The following TLL1 variants were observed in gnomAD, a reference collection of about 807,000 sequenced individuals.
The protein encoded by TLL1 is tolloid-like protein 1.
In TLL1, 49 loss-of-function variants were observed where a neutral mutation model predicts 128.2. The ratio of observed to expected loss-of-function variants is 0.38; its 90% CI spans 0.30 to 0.48. TLL1 has a LOEUF of 0.48. Among genes scored for constraint, TLL1 ranks in the 20% least tolerant of loss-of-function variants. The pLI, the probability that TLL1 is intolerant of heterozygous loss-of-function variation, is 0.96. For synonymous variants in TLL1, 454 were observed against 418.8 expected (o/e 1.08, Z -1.03); for missense variants, 1,123 against 1,242.0 (o/e 0.90, Z 1.44).
intron 12 of TLL1, among the ~76,000 whole-genome samples, chr4:166,050,887 T>G (rs1368160209): frequency 6.6e-6 from 1 of 152,256 alleles, no homozygotes; most frequent in Non-Finnish European, 1.5e-5. Context: ...AGTAGTGAAA[T>G]GTACTATGAA....
rs565985231 is a variant in TLL1 at position 166,078,006 on chromosome 4, C to A, written c.2418C>A (p.Ala806=). 383 of 1,613,658 alleles carry A rather than the reference C, an allele frequency of 2.4e-4. 1 individual carries two copies. The South Asian group carries it at 4.0e-3, about 17-fold the overall frequency. ...SRKECTWEIS[A]TPGHRIKLAF... is the part of the protein sequence containing the mutation. ...AAGAATGCACTTGGGAAATCAGCGCCACTCCTGGCCACCGAATCAAATTAG... is the reference window on the plus strand; with the variant it reads ...AAGAATGCACTTGGGAAATCAGCGCAACTCCTGGCCACCGAATCAAATTAG... The change falls in exon 18 of 21, where the codon GCC becomes GCA. Residue 806 remains alanine (A), a synonymous_variant. Coordinates refer to ENST00000061240, the MANE Select transcript of TLL1 (RefSeq NM_012464.5).
rs143014997 is a variant in TLL1, at chr4:165,936,571, G to A, written c.170-52810G>A. Among the ~76,000 whole-genome samples the A allele has an allele frequency of 9.5e-3, 1,438 of 152,156 alleles. 10 individuals are homozygous for A. Among genetic ancestry groups the A allele is most frequent in the Middle Eastern group, 0.044 (13 of 294 alleles). On this transcript the variant is annotated intron_variant, in intron 1 of 20. Coordinates refer to ENST00000061240, the MANE Select transcript of TLL1 (RefSeq NM_012464.5). ...TTTGTTTGTATAGTTATAATGCCCA[G>A]AGCAACTACAGTATACATATGTAAC...
chr4:166,002,470 G>T (rs116978455), intron 5 of TLL1, among the ~76,000 whole-genome samples: 5,829 of 151,914 alleles, frequency 0.038, 134 homozygotes, highest in East Asian at 0.057. Flanking sequence ...TAAGAGACAG[G>T]GTCTTACTCT....
intron 6 of TLL1, among the ~76,000 whole-genome samples, chr4:166,004,649 A>C (rs1416854540): frequency 6.6e-6 from 1 of 152,150 alleles, no homozygotes; most frequent in African/African-American, 2.4e-5. Context: ...TCAGGCGGAC[A>C]GAAGAGTGAT....
At position 166,058,152 on chromosome 4, in the gene TLL1, C is replaced by T. The variant is rs557703291; in HGVS notation, c.1846+843C>T. On this transcript the variant is annotated intron_variant, in intron 14 of 20. Coordinates refer to ENST00000061240, the MANE Select transcript of TLL1 (RefSeq NM_012464.5). ...TCCATCCTACCATCATTCATTCATCCATCTCTCATACCAGGCCACCATGTA... is the reference window on the plus strand; with the variant it reads ...TCCATCCTACCATCATTCATTCATCTATCTCTCATACCAGGCCACCATGTA... Among the ~76,000 whole-genome samples, 11 of 151,870 alleles carry T rather than the reference C, an allele frequency of 7.2e-5. No homozygotes were observed. The South Asian group carries it at 2.1e-3, about 29-fold the overall frequency.
Position 166,083,750 on chromosome 4 carries a change from C to G in TLL1, c.2442+5720C>G, listed in dbSNP as rs572228296. Among the ~76,000 whole-genome samples, 43 of 65,252 alleles carry G rather than the reference C, an allele frequency of 6.6e-4. 11 individuals carry two copies. The highest frequency in any genetic ancestry group is 2.1e-3 in the Non-Finnish European group (42 of 20,038). 42.8% of individuals were successfully genotyped at this position (65,252 alleles called of 152,430 possible). On this transcript the variant is annotated intron_variant, in intron 18 of 20. Coordinates refer to ENST00000061240, the MANE Select transcript of TLL1 (RefSeq NM_012464.5). ...CATTTTGTGGCTGAATATTCCTCCA[C>G]TGTGTATATATACCACATTTTGTAA...
At chr4:165,979,350 T>C (rs1443093625) in intron 1 of TLL1, among the ~76,000 whole-genome samples, 1 of 152,112 alleles carries the variant, frequency 6.6e-6, no homozygotes, top group Non-Finnish European at 1.5e-5. Context: ...AGAAAAGCTG[T>C]AGTCAAATGT....
At chr4:165,934,750 C>G (rs1462089966) in intron 1 of TLL1, among the ~76,000 whole-genome samples, 2 of 152,194 alleles carry the variant, frequency 1.3e-5, no homozygotes, top group African/African-American at 4.8e-5. Flanking sequence ...TTTGTGGCTC[C>G]TTAGTGGCTC....
At chr4:166,069,570 A>G (rs1740717389) in intron 16 of TLL1, among the ~76,000 whole-genome samples, 1 of 151,792 alleles carries the variant, frequency 6.6e-6, no homozygotes, top group Non-Finnish European at 1.5e-5. Flanking sequence ...GAAATAATAT[A>G]TTTATAGTAT....
chr4:165,897,389 A>G (rs2110844080), intron 1 of TLL1, among the ~76,000 whole-genome samples: 1 of 152,180 alleles, frequency 6.6e-6, no homozygotes, highest in East Asian at 1.9e-4. Context: ...ATCCATGTTG[A>G]GTTAAGTTTT....
chr4:165,939,630 G>A (rs1733913580), intron 1 of TLL1, among the ~76,000 whole-genome samples: 2 of 151,934 alleles, frequency 1.3e-5, no homozygotes, highest in Non-Finnish European at 2.9e-5. Flanking sequence ...AAATTGGTTT[G>A]TTTCTTCTTC....
intron 10 of TLL1, among the ~76,000 whole-genome samples, chr4:166,039,882 C>A (rs1739167665): frequency 6.6e-6 from 1 of 152,136 alleles, no homozygotes; most frequent in African/African-American, 2.4e-5. Flanking sequence ...TGGTAGCTGG[C>A]TTCCTATGCC....
In TLL1 at chr4:166,025,623, G is replaced by A. The variant is rs17689964; in HGVS notation, c.1158+192G>A. ...TGAAAGATATAATTTTAAACTTTTTGATGCAATAGGAGGGTTGAAATAATA... is the reference window on the plus strand; with the variant it reads ...TGAAAGATATAATTTTAAACTTTTTAATGCAATAGGAGGGTTGAAATAATA... On this transcript the variant is annotated intron_variant, in intron 9 of 20. Coordinates refer to ENST00000061240, the MANE Select transcript of TLL1 (RefSeq NM_012464.5). Among the ~76,000 whole-genome samples the A allele has an allele frequency of 0.25, 38,458 of 151,998 alleles. 4,959 individuals are homozygous for A. The highest frequency in any genetic ancestry group is 0.31 in the East Asian group (1,616 of 5,170).
At chr4:165,880,107 C>T (rs2110808874) in intron 1 of TLL1, among the ~76,000 whole-genome samples, 1 of 152,188 alleles carries the variant, frequency 6.6e-6, no homozygotes, top group African/African-American at 2.4e-5. Context: ...GAATGAATGA[C>T]ATAGATCGTG....
At chr4:165,888,446 A>G (rs1438297090) in intron 1 of TLL1, among the ~76,000 whole-genome samples, 4 of 152,118 alleles carry the variant, frequency 2.6e-5, no homozygotes, top group Non-Finnish European at 5.9e-5. Context: ...CTCTGGATGC[A>G]GTTTATTGTT....
chr4:165,911,702 C>A (rs1404315337), intron 1 of TLL1, among the ~76,000 whole-genome samples: 1 of 152,076 alleles, frequency 6.6e-6, no homozygotes, highest in East Asian at 1.9e-4. Flanking sequence ...GCTCAATGTT[C>A]TTCCTGTGTC....
chr4:166,088,467 A>T (rs745786989), intron 18 of TLL1, among the ~76,000 whole-genome samples: 1 of 152,042 alleles, frequency 6.6e-6, no homozygotes, highest in Non-Finnish European at 1.5e-5. Context: ...CTGTGTGGGT[A>T]TCTTTACTAT....
At chr4:165,885,397 G>A (rs1182768626) in intron 1 of TLL1, among the ~76,000 whole-genome samples, 1 of 151,948 alleles carries the variant, frequency 6.6e-6, no homozygotes, top group East Asian at 1.9e-4. Context: ...GGAAGGGGAA[G>A]GTGTTCACAC....
At chr4:165,971,624 C>T (rs907389091) in intron 1 of TLL1, among the ~76,000 whole-genome samples, 2 of 152,152 alleles carry the variant, frequency 1.3e-5, no homozygotes, top group Admixed American at 6.5e-5. Context: ...AGTCCAGAAA[C>T]GTGGGGGATG....
Sources: gnomAD v4.1 joint callset for allele counts (sites outside exome capture counted in the v4.1 genomes callset) on GRCh38, gnomAD v4.1.1 for gene constraint, MANE v1.5 for transcripts, NCBI Gene and HGNC (gene_info 2026-07-23, HGNC 2026-07-21) for gene names.